The following LRCH1 variants were observed in gnomAD, a reference collection of about 807,000 sequenced individuals.
LRCH1 encodes the protein leucine-rich repeat and calponin homology domain-containing protein 1.
A neutral mutation model predicts 94.9 loss-of-function variants in LRCH1; 23 were observed. That is an observed-to-expected ratio of 0.24 (90% CI 0.17 to 0.34). The LOEUF is 0.34. Among genes scored for constraint, LRCH1 ranks in the 10% least tolerant of loss-of-function variants. LRCH1 has a pLI of 1.00. For missense variants in LRCH1, 790 were observed against 945.9 expected (o/e 0.84, Z 2.16); for synonymous variants, 364 against 354.9 (o/e 1.03, Z -0.29).
At chr13:46,651,011 A>G (rs2051290357) in intron 2 of LRCH1, among the ~76,000 whole-genome samples, 1 of 152,218 alleles carries the variant, frequency 6.6e-6, no homozygotes, top group African/African-American at 2.4e-5. Context: ...TAAGAAAATC[A>G]GTTATTTTAA....
intron 1 of LRCH1, among the ~76,000 whole-genome samples, chr13:46,615,704 C>T (rs764006184): frequency 8.5e-5 from 13 of 152,136 alleles, no homozygotes; most frequent in African/African-American, 1.7e-4. Flanking sequence ...CAAGTGTTCT[C>T]GTAATGTTTT....
chr13:46,711,939 A>C lies in LRCH1; in HGVS notation c.1581+95A>C, dbSNP rs931844838. ...AATATATAATCTAAGACTTGTGATT[A>C]ATTAATTAATTGAGTCTTTGGGGGA... On this transcript the variant is annotated intron_variant, in intron 14 of 19. Transcript: ENST00000389797. 33 of 908,290 alleles carry C rather than the reference A, an allele frequency of 3.6e-5. No individual in the cohort carries two copies. The Admixed American group carries it at 6.6e-4, about 18-fold the overall frequency. The allele number at this position is 908,290 out of a possible 1,614,324, so 56.3% of individuals were successfully genotyped here.
chr13:46,684,198 G>A (rs970414289), intron 4 of LRCH1, among the ~76,000 whole-genome samples: 1 of 151,596 alleles, frequency 6.6e-6, no homozygotes, highest in Non-Finnish European at 1.5e-5. Context: ...GAGAGAGTGG[G>A]ATTTGTTCTT....
intron 14 of LRCH1, 131 bp downstream of exon 14, chr13:46,711,975 C>A: frequency 1.6e-6 from 1 of 619,094 alleles, no homozygotes; most frequent in Non-Finnish European, 2.8e-6. Flanking sequence ...ATCCGTCTAA[C>A]TCTCATTAGC....
chr13:46,609,614 C>T (rs1258838245), intron 1 of LRCH1, among the ~76,000 whole-genome samples: 1 of 152,092 alleles, frequency 6.6e-6, no homozygotes, highest in Non-Finnish European at 1.5e-5. Flanking sequence ...CTAATTCATT[C>T]AACCAAAAGA....
At chr13:46,572,958 C>T (rs1365163738) in intron 1 of LRCH1, among the ~76,000 whole-genome samples, 2 of 152,126 alleles carry the variant, frequency 1.3e-5, no homozygotes, top group Non-Finnish European at 2.9e-5. Context: ...TGACCTTGGG[C>T]AAGTTCCATA....
intron 1 of LRCH1, among the ~76,000 whole-genome samples, chr13:46,557,943 G>A (rs1352160843): frequency 2.0e-5 from 3 of 152,184 alleles, no homozygotes; most frequent in East Asian, 3.8e-4. Context: ...CTATGCGGAC[G>A]GCTGAGGTGG....
intron 1 of LRCH1, among the ~76,000 whole-genome samples, chr13:46,581,665 G>A (rs1236951523): frequency 6.6e-6 from 1 of 152,162 alleles, no homozygotes; most frequent in African/African-American, 2.4e-5. Flanking sequence ...ATCAGGGGTT[G>A]AACCCAAGCA....
At chr13:46,663,642 G>T (rs1396516968) in intron 2 of LRCH1, among the ~76,000 whole-genome samples, 1 of 152,218 alleles carries the variant, frequency 6.6e-6, no homozygotes, top group Non-Finnish European at 1.5e-5. Context: ...ACAAAATTAG[G>T]TGAGGTATCC....
intron 1 of LRCH1, among the ~76,000 whole-genome samples, chr13:46,577,745 T>C (rs893941219): frequency 1.3e-5 from 2 of 152,034 alleles, no homozygotes; most frequent in Non-Finnish European, 2.9e-5. Flanking sequence ...CTATAAGACA[T>C]AAGCAGACAA....
intron 1 of LRCH1, among the ~76,000 whole-genome samples, chr13:46,624,587 A>G (rs2050921844): frequency 6.6e-6 from 1 of 152,198 alleles, no homozygotes; most frequent in South Asian, 2.1e-4. Flanking sequence ...CACAGAGTTG[A>G]AAAGTCTTAC....
intron 18 of LRCH1, among the ~76,000 whole-genome samples, chr13:46,750,174 CAG>C (rs1413585985): frequency 2.0e-5 from 3 of 152,084 alleles, no homozygotes; most frequent in African/African-American, 7.2e-5. Flanking sequence ...TAAAATGTGT[CAG>C]GGGCTATTTG....
intron 1 of LRCH1, among the ~76,000 whole-genome samples, chr13:46,625,704 A>G (rs978230726): frequency 1.6e-5 from 2 of 125,356 alleles, no homozygotes; most frequent in Admixed American, 2.1e-4. Flanking sequence ...CCTGGGCTGG[A>G]GCAAAGTGGC....
intron 1 of LRCH1, among the ~76,000 whole-genome samples, chr13:46,557,361 G>C (rs1467790290): frequency 6.6e-6 from 1 of 151,266 alleles, no homozygotes; most frequent in Non-Finnish European, 1.5e-5. Flanking sequence ...GTCTTGTTAA[G>C]GAAAGTGGGG....
intron 1 of LRCH1, among the ~76,000 whole-genome samples, chr13:46,585,652 A>G (rs945019757): frequency 1.3e-5 from 2 of 151,684 alleles, no homozygotes; most frequent in African/African-American, 4.9e-5. Flanking sequence ...AATATGCTTT[A>G]TGTAAATATG....
At chr13:46,676,796 G>T (rs1344805497) in intron 3 of LRCH1, among the ~76,000 whole-genome samples, 2 of 151,780 alleles carry the variant, frequency 1.3e-5, no homozygotes, top group Admixed American at 6.6e-5. Context: ...TTTTTGTTTT[G>T]AGACAGGGTC....
intron 1 of LRCH1, among the ~76,000 whole-genome samples, chr13:46,627,679 C>T (rs1566185868): frequency 6.6e-6 from 1 of 152,186 alleles, no homozygotes; most frequent in Non-Finnish European, 1.5e-5. Context: ...GGTTCAGGGT[C>T]CTTTTCCCAC....
At chr13:46,665,386 G>T (rs2051501536) in intron 2 of LRCH1, among the ~76,000 whole-genome samples, 1 of 152,154 alleles carries the variant, frequency 6.6e-6, no homozygotes, top group African/African-American at 2.4e-5. Flanking sequence ...CTTAATTTAG[G>T]AGTTAAGTGA....
At chr13:46,567,658 G>A (rs1162010464) in intron 1 of LRCH1, among the ~76,000 whole-genome samples, 3 of 152,070 alleles carry the variant, frequency 2.0e-5, no homozygotes, top group African/African-American at 7.2e-5. Flanking sequence ...ATGCTTTCTT[G>A]TATCTATACA....
Sources: gnomAD v4.1 joint callset for allele counts (sites outside exome capture counted in the v4.1 genomes callset) on GRCh38, gnomAD v4.1.1 for gene constraint, MANE v1.5 for transcripts, NCBI Gene and HGNC (gene_info 2026-07-23, HGNC 2026-07-21) for gene names.